Variants in SUGCT observed in about 807,000 individuals in gnomAD.
SUGCT encodes the protein succinyl-CoA:glutarate-CoA transferase.
A neutral mutation model predicts 55.0 loss-of-function variants in SUGCT; 41 were observed. The observed-to-expected ratio is 0.74, with a 90% CI of 0.58 to 0.97. The LOEUF is 0.97. Among genes scored for constraint, SUGCT ranks in the 50% least tolerant of loss-of-function variants. SUGCT has a pLI of 0.00. For missense variants in SUGCT, 568 were observed against 547.8 expected, an observed-to-expected ratio of 1.04 and a Z score of -0.37; for synonymous variants, 187 against 200.4, an observed-to-expected ratio of 0.93 and a Z score of 0.56.
the SUGCT span, among the ~76,000 whole-genome samples, chr7:40,883,935 G>A: frequency 6.6e-6 from 1 of 152,064 alleles, no homozygotes; most frequent in African/African-American, 2.4e-5. Flanking sequence ...GTTTCCATAA[G>A]CTTAAATCAC....
the SUGCT span, among the ~76,000 whole-genome samples, chr7:40,868,023 T>C: frequency 1.0e-3 from 154 of 152,314 alleles, no homozygotes; most frequent in Non-Finnish European, 1.6e-3. Context: ...ACAAGTTCTA[T>C]GAGACAGAAA....
chr7:40,441,480 C>A (rs1583684567), intron 9 of SUGCT, among the ~76,000 whole-genome samples: 1 of 151,990 alleles, frequency 6.6e-6, no homozygotes, highest in Admixed American at 6.6e-5. Flanking sequence ...ACTAAAAAAA[C>A]CCCTCCAGTT....
At chr7:40,745,167 A>G (rs960655579) in intron 12 of SUGCT, among the ~76,000 whole-genome samples, 8 of 152,166 alleles carry the variant, frequency 5.3e-5, no homozygotes, top group African/African-American at 1.9e-4. Flanking sequence ...TCTCTTTTGT[A>G]CATTATTGCT....
the SUGCT span, among the ~76,000 whole-genome samples, chr7:40,932,078 T>C: frequency 3.3e-3 from 499 of 152,346 alleles, 3 homozygotes; most frequent in Middle Eastern, 0.01. Context: ...TAAATTTCCC[T>C]CTACACGCTG....
chr7:40,984,087 A>T, the SUGCT span, among the ~76,000 whole-genome samples: 2 of 152,040 alleles, frequency 1.3e-5, no homozygotes, highest in Non-Finnish European at 2.9e-5. Flanking sequence ...AATAGGTTCC[A>T]CCAGGTAACC....
intron 9 of SUGCT, among the ~76,000 whole-genome samples, chr7:40,321,539 T>G (rs1176753562): frequency 2.6e-5 from 4 of 151,708 alleles, no homozygotes; most frequent in African/African-American, 9.7e-5. Context: ...TGTGCCACCA[T>G]GCCTGGATAA....
chr7:40,682,321 T>C (rs1484691543), intron 12 of SUGCT, among the ~76,000 whole-genome samples: 3 of 152,202 alleles, frequency 2.0e-5, no homozygotes, highest in Non-Finnish European at 2.9e-5. Flanking sequence ...AAACAGTAAA[T>C]GTGAGCAGTA....
intron 11 of SUGCT, among the ~76,000 whole-genome samples, chr7:40,474,627 AC>A (rs1790562593): frequency 2.0e-5 from 3 of 152,146 alleles, no homozygotes; most frequent in Non-Finnish European, 4.4e-5. Flanking sequence ...GACAACCCAG[AC>A]CAGCTCAGGT....
the SUGCT span, among the ~76,000 whole-genome samples, chr7:40,889,310 T>G: frequency 5.2e-3 from 788 of 152,242 alleles, 19 homozygotes; most frequent in Admixed American, 0.043. Context: ...TCTGAAGTGT[T>G]CCCTGGGAGG....
At chr7:40,335,331 C>T (rs1459992179) in intron 9 of SUGCT, among the ~76,000 whole-genome samples, 3 of 151,672 alleles carry the variant, frequency 2.0e-5, no homozygotes, top group African/African-American at 7.3e-5. Flanking sequence ...CTATAAATTA[C>T]CTTGGGCAGT....
At chr7:40,596,366 G>T (rs1026444384) in intron 12 of SUGCT, among the ~76,000 whole-genome samples, 2 of 152,064 alleles carry the variant, frequency 1.3e-5, no homozygotes, top group African/African-American at 2.4e-5. Context: ...ATATTAAAAG[G>T]ACCAGACAGC....
chr7:40,395,500 A>G (rs992525056), intron 9 of SUGCT, among the ~76,000 whole-genome samples: 8 of 151,018 alleles, frequency 5.3e-5, no homozygotes, highest in Non-Finnish European at 1.0e-4. Flanking sequence ...AAAAAAAAAA[A>G]AAAAAAAAAA....
chr7:40,880,764 A>G, the SUGCT span, among the ~76,000 whole-genome samples: 2 of 152,240 alleles, frequency 1.3e-5, no homozygotes, highest in Non-Finnish European at 2.9e-5. Context: ...ATGCTGAACC[A>G]ATGTTTCATG....
chr7:40,432,678 T>C (rs1290085104), intron 9 of SUGCT, among the ~76,000 whole-genome samples: 2 of 99,626 alleles, frequency 2.0e-5, no homozygotes, highest in Non-Finnish European at 3.8e-5. Context: ...AGAGTGAGAC[T>C]CCCTCTCAAA....
intron 10 of SUGCT, 81 bp from the exon 11 acceptor site, chr7:40,459,020 A>T: frequency 1.2e-6 from 1 of 822,656 alleles, no homozygotes; most frequent in East Asian, 2.6e-5. Context: ...GAAGGGAGAG[A>T]TAGGACCTGA....
At chr7:40,961,840 C>T in the SUGCT span, among the ~76,000 whole-genome samples, 1 of 152,166 alleles carries the variant, frequency 6.6e-6, no homozygotes, top group African/African-American at 2.4e-5. Flanking sequence ...TTGTTTGTTC[C>T]TCCCGGTGGG....
the SUGCT span, among the ~76,000 whole-genome samples, chr7:41,032,825 G>A: frequency 6.6e-6 from 1 of 152,188 alleles, no homozygotes; most frequent in Non-Finnish European, 1.5e-5. Context: ...GTGCAGTGGT[G>A]AGACCTTGGC....
At chr7:40,616,895 A>G (rs1480701887) in intron 12 of SUGCT, among the ~76,000 whole-genome samples, 1 of 152,218 alleles carries the variant, frequency 6.6e-6, no homozygotes, top group African/African-American at 2.4e-5. Flanking sequence ...TTGTCCTGGA[A>G]AAGTCTATAT....
At chr7:40,291,345 G>A (rs1054276818) in intron 8 of SUGCT, among the ~76,000 whole-genome samples, 5 of 151,158 alleles carry the variant, frequency 3.3e-5, no homozygotes, top group African/African-American at 1.2e-4. Context: ...ATGAGTTCAT[G>A]TCCTTTGCAG....
Sources: gnomAD v4.1 joint callset for allele counts (sites outside exome capture counted in the v4.1 genomes callset) on GRCh38, gnomAD v4.1.1 for gene constraint, MANE v1.5 for transcripts, NCBI Gene and HGNC (gene_info 2026-07-23, HGNC 2026-07-21) for gene names.